DNAH9: variants seen among roughly 807,000 people sequenced by gnomAD.
DNAH9 encodes dynein axonemal heavy chain 9.
A neutral mutation model predicts 471.6 loss-of-function variants in DNAH9; 345 were observed. The observed-to-expected ratio is 0.73, with a 90% CI of 0.67 to 0.80. The LOEUF is 0.80. Among genes scored for constraint, DNAH9 ranks in the 30% least tolerant of loss-of-function variants. The pLI is 0.00. For missense variants in DNAH9, 5,407 were observed against 5,609.2 expected (o/e 0.96, Z 1.15); for synonymous variants, 2,093 against 2,123.6 (o/e 0.99, Z 0.40).
intron 30 of DNAH9, 90 bp downstream of exon 30, chr17:11,742,403 A>G (rs1865027833): frequency 7.5e-7 from 1 of 1,331,154 alleles, no homozygotes; most frequent in African/African-American, 1.5e-5. Context: ...AGGAAAACAT[A>G]CTCAAGCTTT....
chr17:11,891,783 A>G lies in DNAH9; in HGVS notation c.11119A>G (p.Ser3707Gly), dbSNP rs775398463. The G allele has an allele frequency of 1.2e-6, 2 of 1,613,912 alleles. No homozygotes were observed. Among genetic ancestry groups the G allele is most frequent in the Admixed American group, 1.7e-5 (1 of 59,998 alleles). The change falls in exon 58 of 69, where the codon AGT (serine) becomes GGT (glycine). Residue 3707 changes from serine (S) to glycine (G), a missense_variant. Physicochemically the swap from Ser to Gly is moderately conservative, Grantham distance 56. This residue lies in a region of DNAH9 where 4,636 missense variants were observed against 4,900.3 expected (regional missense o/e 0.95). Transcript: ENST00000262442. ...TCCTGTCTTCTGTCCCCAGGCCTTC[A>G]GTATCGTCTTCCAGAAGGCTGTGGA... is the stretch of plus-strand genomic sequence containing the variant. ...PMYQFSLKAF[S>G]IVFQKAVERA...
At chr17:11,666,289 G>A (rs2073865839) in intron 15 of DNAH9, among the ~76,000 whole-genome samples, 1 of 152,114 alleles carries the variant, frequency 6.6e-6, no homozygotes, top group Non-Finnish European at 1.5e-5. Context: ...CCATACTTGG[G>A]TGCAGGCAGT....
At chr17:11,877,473 T>TTAA (rs1428692448) in intron 53 of DNAH9, among the ~76,000 whole-genome samples, 4 of 68,610 alleles carry the variant, frequency 5.8e-5, no homozygotes, top group African/African-American at 2.8e-4. Flanking sequence ...AAACTCTGTC[T>TTAA]AAAAAAAAAA....
At chr17:11,961,024 T>C (rs1201941758) in intron 67 of DNAH9, among the ~76,000 whole-genome samples, 1 of 148,850 alleles carries the variant, frequency 6.7e-6, no homozygotes, top group Admixed American at 6.6e-5. Flanking sequence ...GCTTTAAACA[T>C]AGTGTTCAGG....
rs143168187 is a variant in DNAH9, at chr17:11,874,640, G to A, written c.10243-309G>A. ...CTGTTAACATGGGTGAGAGTGTGTA[G>A]GAGGTCGTAGATTAAAATACAGATA... is the stretch of plus-strand genomic sequence containing the variant. On this transcript the variant is annotated intron_variant, in intron 52 of 68. Transcript: ENST00000262442. Among the ~76,000 whole-genome samples, 965 of 152,232 alleles carry A rather than the reference G, an allele frequency of 6.3e-3. 7 individuals are homozygous for A. The highest frequency in any genetic ancestry group is 0.022 in the African/African-American group (894 of 41,530).
chr17:11,918,926 C>T (rs1401336820), intron 61 of DNAH9, among the ~76,000 whole-genome samples: 2 of 152,096 alleles, frequency 1.3e-5, no homozygotes, highest in African/African-American at 4.8e-5. Context: ...AAGGAGGTTG[C>T]AGTGAGCTGA....
intron 51 of DNAH9, 62 bp downstream of exon 51, chr17:11,869,315 G>GA: frequency 1.3e-6 from 2 of 1,595,760 alleles, no homozygotes; most frequent in Non-Finnish European, 1.7e-6. Context: ...AAATGCCGTG[G>GA]AGGTGCAAGA....
chr17:11,957,469 G>A (rs1264582961), intron 67 of DNAH9, among the ~76,000 whole-genome samples: 1 of 151,434 alleles, frequency 6.6e-6, no homozygotes, highest in East Asian at 1.9e-4. Flanking sequence ...GGAATATGTA[G>A]AGAGGAATGA....
chr17:11,929,057 C>T (rs766313309), intron 62 of DNAH9, among the ~76,000 whole-genome samples: 64 of 118,304 alleles, frequency 5.4e-4, no homozygotes, highest in Middle Eastern at 7.2e-3. Context: ...TTATTTGAGA[C>T]GGAGTCTCAC....
chr17:11,782,453 A>T (rs1196062015), intron 39 of DNAH9, among the ~76,000 whole-genome samples: 1 of 152,006 alleles, frequency 6.6e-6, no homozygotes, highest in Non-Finnish European at 1.5e-5. Context: ...TTCCACATCT[A>T]TACAACTCAC....
intron 53 of DNAH9, among the ~76,000 whole-genome samples, chr17:11,878,101 T>A (rs530959705): frequency 6.6e-6 from 1 of 152,338 alleles, no homozygotes; most frequent in South Asian, 2.1e-4. Flanking sequence ...TCCCGAAACT[T>A]TAATTAAAAT....
chr17:11,772,885 A>C (rs1416863518), intron 38 of DNAH9, among the ~76,000 whole-genome samples: 3 of 152,338 alleles, frequency 2.0e-5, no homozygotes, highest in East Asian at 1.9e-4. Flanking sequence ...TCAGATCCTT[A>C]ACTCTGAAAA....
intron 59 of DNAH9, among the ~76,000 whole-genome samples, chr17:11,900,948 A>C (rs536353481): frequency 2.6e-5 from 4 of 152,332 alleles, no homozygotes; most frequent in African/African-American, 9.6e-5. Context: ...TCCTACACAC[A>C]CACCCAAAAT....
chr17:11,600,616 T>C (rs1302635640), intron 1 of DNAH9, among the ~76,000 whole-genome samples: 1 of 152,128 alleles, frequency 6.6e-6, no homozygotes, highest in Non-Finnish European at 1.5e-5. Flanking sequence ...TACAGTGAAA[T>C]ACTTTGCAAC....
rs772814258 is a variant in DNAH9 at position 11,640,351 on chromosome 17, G to T, written c.1868G>T (p.Gly623Val). Reference protein sequence around the residue: ...WAQELRQRIQGPFSNFGRITH... With the variant: ...WAQELRQRIQVPFSNFGRITH... ...CAGGAGCTGAGGCAGCGCATCCAGG[G>T]TCCTTTCAGCAACTTTGGACGCATC... Residue 623 changes from glycine (G) to valine (V), a missense_variant, in exon 10 of 69, where the codon GGT becomes GTT. Transcript: ENST00000262442. 15 of 1,613,858 alleles carry T rather than the reference G, an allele frequency of 9.3e-6. No individual in the cohort carries two copies. In the Admixed American group the frequency reaches 2.3e-4, roughly 25 times the overall value.
chr17:11,924,450 T>G (rs188127266), intron 62 of DNAH9, among the ~76,000 whole-genome samples: 41 of 152,078 alleles, frequency 2.7e-4, no homozygotes, highest in Admixed American at 8.5e-4. Flanking sequence ...ATAATTTGAC[T>G]GAACAGTTAC....
At chr17:11,703,935 G>A (rs898328752) in intron 24 of DNAH9, among the ~76,000 whole-genome samples, 2 of 152,166 alleles carry the variant, frequency 1.3e-5, no homozygotes, top group South Asian at 2.1e-4. Context: ...AGAAGGCACC[G>A]GCCTTGATCA....
chr17:11,797,940 C>T, intron 43 of DNAH9, 147 bp downstream of exon 43: 1 of 776,996 alleles, frequency 1.3e-6, no homozygotes, highest in Non-Finnish European at 2.0e-6. Flanking sequence ...GCTGGCAGAG[C>T]AGCTGCAGCT....
intron 49 of DNAH9, among the ~76,000 whole-genome samples, chr17:11,846,685 AG>A (rs1971236321): frequency 1.4e-5 from 2 of 139,538 alleles, no homozygotes; most frequent in South Asian, 5.1e-4. Context: ...TTCCTTGAGC[AG>A]TGGTTTGTAG....
Sources: allele counts gnomAD v4.1 joint callset (sites outside exome capture counted in the v4.1 genomes callset), GRCh38; gene constraint gnomAD v4.1.1; regional missense constraint gnomAD v4.1.1; transcripts MANE v1.5; gene names NCBI Gene and HGNC (gene_info 2026-07-23, HGNC 2026-07-21).